Variants in NPHP1 observed in about 807,000 individuals in gnomAD.
The protein encoded by NPHP1 is nephrocystin-1.
A neutral mutation model predicts 90.4 loss-of-function variants in NPHP1; 70 were observed. That is an observed-to-expected ratio of 0.77 (90% CI 0.64 to 0.95). The LOEUF (loss-of-function observed/expected upper bound fraction) is 0.95, where lower values mean the gene tolerates loss of function less well. NPHP1 is among the 40% of genes least tolerant of loss of function. The pLI, the probability that NPHP1 is intolerant of heterozygous loss-of-function variation, is 0.00. For synonymous variants in NPHP1, 256 were observed against 271.7 expected (o/e 0.94, Z 0.57); for missense variants, 764 against 795.9 (o/e 0.96, Z 0.48).
chr2:110,192,138 C>G (rs1350631981), intron 2 of NPHP1, among the ~76,000 whole-genome samples: 1 of 152,164 alleles, frequency 6.6e-6, no homozygotes, highest in African/African-American at 2.4e-5. Context: ...TCACCAGCAA[C>G]AGAACAAAGC....
chr2:110,150,248 G>T lies in NPHP1; in HGVS notation c.1092C>A (p.Ser364Arg). The T allele has an allele frequency of 1.2e-6, 2 of 1,613,714 alleles. No individual in the cohort carries two copies. The highest frequency in any genetic ancestry group is 1.7e-6 in the Non-Finnish European group (2 of 1,179,670). The change falls in exon 12 of 20, where the codon AGC (serine) becomes AGA (arginine). Residue 364 changes from serine (S) to arginine (R), a missense_variant. Ser to Arg is a moderately radical substitution (Grantham distance 110). Coordinates refer to ENST00000445609, the MANE Select transcript of NPHP1 (RefSeq NM_001128178.3). ...ATGTGGCTCTGACTGTATGAATGTT[G>T]CTCAGAACCTGAAATGAGATTTTCC... Reference protein sequence around the residue: ...LCLFDGNKVLSNIHTVRATWQ... With the variant: ...LCLFDGNKVLRNIHTVRATWQ...
intron 8 of NPHP1, chr2:110,164,127 C>T (rs1243983631): frequency 3.7e-6 from 1 of 272,838 alleles, no homozygotes; most frequent in African/African-American, 2.3e-5. Flanking sequence ...GCCTTGACTT[C>T]CCAAACTCAT....
At chr2:110,125,021 C>T in intron 19 of NPHP1, 2 of 506,700 alleles carry the variant, frequency 3.9e-6, no homozygotes, top group South Asian at 9.7e-5. Context: ...TATAGGAAAA[C>T]AGTCACATTT....
At chr2:110,160,296 T>G in intron 10 of NPHP1, 41 bp from the exon 11 acceptor site, 1 of 1,485,904 alleles carries the variant, frequency 6.7e-7, no homozygotes, top group Non-Finnish European at 9.4e-7. Flanking sequence ...ATTTTTATGA[T>G]TTCTAACACA....
chr2:110,161,785 A>T (rs1475457057), intron 9 of NPHP1, 88 bp from the exon 10 acceptor site: 4 of 925,602 alleles, frequency 4.3e-6, no homozygotes, highest in Non-Finnish European at 6.8e-6. Context: ...ACTAGAGTAC[A>T]GGCACTTCCA....
intron 14 of NPHP1, among the ~76,000 whole-genome samples, chr2:110,145,054 G>A (rs185525639): frequency 2.6e-5 from 4 of 152,220 alleles, no homozygotes; most frequent in East Asian, 1.9e-4. Flanking sequence ...TCCCCATGCC[G>A]CCTTCTCTAG....
intron 2 of NPHP1, among the ~76,000 whole-genome samples, chr2:110,197,477 A>G (rs1232775905): frequency 6.6e-6 from 1 of 152,020 alleles, no homozygotes; most frequent in Non-Finnish European, 1.5e-5. Flanking sequence ...CTATGTTCTC[A>G]GCCTCCACTG....
intron 19 of NPHP1, chr2:110,125,062 T>G (rs1370959079): frequency 2.7e-6 from 2 of 749,846 alleles, no homozygotes; most frequent in African/African-American, 3.6e-5. Context: ...TGGCTGCTTT[T>G]GTGTTACAAC....
chr2:110,204,383 C>A (rs1253377127), intron 1 of NPHP1, among the ~76,000 whole-genome samples: 1 of 152,174 alleles, frequency 6.6e-6, no homozygotes, highest in Non-Finnish European at 1.5e-5. Context: ...CGTTCACCTC[C>A]TTTGCTCATT....
intron 18 of NPHP1, chr2:110,127,227 T>C (rs1475392999): frequency 6.6e-6 from 1 of 152,124 alleles, no homozygotes; most frequent in East Asian, 1.9e-4. Flanking sequence ...TGTGAGACAG[T>C]AGAGGCTCCA....
At chr2:110,143,705 A>C in intron 15 of NPHP1, 64 bp from the exon 16 acceptor site, 2 of 1,131,112 alleles carry the variant, frequency 1.8e-6, no homozygotes, top group South Asian at 2.5e-5. Flanking sequence ...AGTATAATAA[A>C]ACAAGTATTT....
chr2:110,167,531 T>A (rs1453380481), intron 6 of NPHP1, among the ~76,000 whole-genome samples: 2 of 152,260 alleles, frequency 1.3e-5, no homozygotes, highest in Admixed American at 1.3e-4. Flanking sequence ...AGAGAGTGCA[T>A]GCCAGCCACC....
chr2:110,187,091 C>T (rs1178185441), intron 2 of NPHP1, among the ~76,000 whole-genome samples: 1 of 151,950 alleles, frequency 6.6e-6, no homozygotes, highest in Non-Finnish European at 1.5e-5. Flanking sequence ...AAGTTAACAA[C>T]CTAACATCTC....
In NPHP1 at chr2:110,143,652, A is replaced by G; in HGVS notation, c.1430-11T>C. ...AAACACTGCCGTGTGCTTTTAAGAA[A>G]AATCAAAAGTAACTCACGAAACTTT... On this transcript the variant is annotated splice_polypyrimidine_tract_variant and intron_variant, in intron 15 of 19. Transcript: ENST00000445609. 6.3e-7 allele frequency: 1 copy of G among 1,593,330 alleles called. No individual in the cohort carries two copies. The highest frequency in any genetic ancestry group is 8.6e-7 in the Non-Finnish European group (1 of 1,161,106).
rs1043647396 is a variant in NPHP1, at chr2:110,129,069, G to C, written c.1716+117C>G. On this transcript the variant is annotated intron_variant, in intron 18 of 19. Coordinates refer to ENST00000445609, the MANE Select transcript of NPHP1 (RefSeq NM_001128178.3). ...ACTGAGTTACCTAGACAATGGATAG[G>C]GATTGGGAGACATCATCCTAGTAAC... 1.2e-5 allele frequency: 9 copies of C among 734,064 alleles called. No homozygotes were observed. In the African/African-American group the frequency reaches 1.2e-4, roughly 10 times the overall value. The allele number at this position is 734,064 out of a possible 1,614,324, so 45.5% of individuals were successfully genotyped here.
Position 110,139,857 on chromosome 2 carries a change from G to A in NPHP1, c.1529+3685C>T, listed in dbSNP as rs1048732160. On this transcript the variant is annotated intron_variant, in intron 16 of 19. Transcript: ENST00000445609. ...AGAAGGACTATTGGTGTCATTACCCGTCTTGTTCTCCCACCTACCGAAGGT... is the reference window on the plus strand; with the variant it reads ...AGAAGGACTATTGGTGTCATTACCCATCTTGTTCTCCCACCTACCGAAGGT... Among the ~76,000 whole-genome samples, 8 of 152,158 alleles carry A rather than the reference G, an allele frequency of 5.3e-5. 1 individual carries two copies. The highest frequency in any genetic ancestry group is 7.4e-5 in the Non-Finnish European group (5 of 68,024).
intron 16 of NPHP1, among the ~76,000 whole-genome samples, chr2:110,135,471 C>T (rs1240844677): frequency 5.2e-5 from 6 of 116,054 alleles, no homozygotes; most frequent in African/African-American, 1.8e-4. Flanking sequence ...AGCGAGACCC[C>T]GTCTCAAAAA....
intron 6 of NPHP1, among the ~76,000 whole-genome samples, chr2:110,166,074 C>G (rs1682708886): frequency 6.6e-6 from 1 of 152,082 alleles, no homozygotes; most frequent in Non-Finnish European, 1.5e-5. Flanking sequence ...GTCATATTGG[C>G]AAAAATTTTA....
intron 11 of NPHP1, among the ~76,000 whole-genome samples, chr2:110,156,486 T>C (rs1178463014): frequency 6.6e-6 from 1 of 151,306 alleles, no homozygotes; most frequent in Non-Finnish European, 1.5e-5. Context: ...AACAAACTAA[T>C]ACAGGAAGAT....
Sources: gnomAD v4.1 joint callset for allele counts (sites outside exome capture counted in the v4.1 genomes callset) on GRCh38, gnomAD v4.1.1 for gene constraint, MANE v1.5 for transcripts, NCBI Gene and HGNC (gene_info 2026-07-23, HGNC 2026-07-21) for gene names.